The following CYFIP2 variants were observed in gnomAD, a reference collection of about 807,000 sequenced individuals.
CYFIP2 encodes cytoplasmic FMR1-interacting protein 2.
A neutral mutation model predicts 158.7 loss-of-function variants in CYFIP2; 29 were observed. The observed-to-expected ratio is 0.18, with a 90% confidence interval of 0.14 to 0.25. The LOEUF is 0.25. Among genes scored for constraint, CYFIP2 ranks in the 10% least tolerant of loss-of-function variants. CYFIP2 has a pLI of 1.00. For synonymous variants in CYFIP2, 585 were observed against 617.6 expected (o/e 0.95, Z 0.78); for missense variants, 852 against 1,639.5 (o/e 0.52, Z 8.29).
At chr5:157,286,552 G>GTATATGTGTA (rs1757399205) in intron 2 of CYFIP2, among the ~76,000 whole-genome samples, 2 of 138,124 alleles carry the variant, frequency 1.4e-5, no homozygotes, top group African/African-American at 5.4e-5. Flanking sequence ...GCTATTTTAT[G>GTATATGTGTA]TATATATATA....
intron 23 of CYFIP2, among the ~76,000 whole-genome samples, chr5:157,354,151 T>C (rs1260352014): frequency 1.3e-5 from 2 of 152,194 alleles, no homozygotes; most frequent in East Asian, 3.8e-4. Flanking sequence ...AAAATGCAGG[T>C]CTGCGTCACA....
chr5:157,386,607 A>G (rs1766717584), intron 28 of CYFIP2, among the ~76,000 whole-genome samples: 1 of 152,212 alleles, frequency 6.6e-6, no homozygotes, highest in South Asian at 2.1e-4. Context: ...GCTCAGCGGT[A>G]GCTCACACGA....
intron 6 of CYFIP2, among the ~76,000 whole-genome samples, chr5:157,301,106 T>G (rs1022241300): frequency 2.0e-5 from 3 of 152,206 alleles, no homozygotes; most frequent in Admixed American, 2.0e-4. Flanking sequence ...TTGATCTTTG[T>G]AGAGTTTTAT....
chr5:157,390,477 T>G, intron 29 of CYFIP2, 44 bp from the exon 30 acceptor site: 3 of 584,316 alleles, frequency 5.1e-6, no homozygotes, highest in Non-Finnish European at 9.0e-6. Flanking sequence ...CCTGCCCTCC[T>G]CCCCCGACCT....
At chr5:157,273,331 G>C (rs1472712579) in intron 1 of CYFIP2, among the ~76,000 whole-genome samples, 1 of 152,176 alleles carries the variant, frequency 6.6e-6, no homozygotes, top group East Asian at 1.9e-4. Context: ...AGTAGAAAGA[G>C]AGCTAGGCTC....
intron 3 of CYFIP2, among the ~76,000 whole-genome samples, chr5:157,292,050 A>G (rs1416696933): frequency 6.6e-6 from 1 of 152,002 alleles, no homozygotes; most frequent in South Asian, 2.1e-4. Flanking sequence ...AGTCAATCCC[A>G]ATTCCTCTCA....
chr5:157,329,359 C>T (rs1761269276), intron 19 of CYFIP2, among the ~76,000 whole-genome samples: 1 of 152,206 alleles, frequency 6.6e-6, no homozygotes, highest in South Asian at 2.1e-4. Context: ...TAAACAGACT[C>T]AGGCGTGTCG....
At chr5:157,339,312 G>A in intron 22 of CYFIP2, 56 bp downstream of exon 22, 2 of 1,514,522 alleles carry the variant, frequency 1.3e-6, no homozygotes, top group Non-Finnish European at 1.8e-6. Context: ...GTGGCCAGCT[G>A]CCTCCTCCAA....
rs774406650 is a variant in CYFIP2, at chr5:157,389,374, C to T, written c.3393C>T (p.Ser1131=). The change falls in exon 29 of 31, where the codon AGC becomes AGT. Residue 1131 remains serine, a synonymous_variant. Transcript: ENST00000620254. ...DECVEFHRLW[S]AMQFVYCIPV... Reference sequence around the variant, plus strand: ...GTGTGGAGTTCCACCGGCTGTGGAGCGCCATGCAGTTCGTGTACTGCATCC... The same window carrying T: ...GTGTGGAGTTCCACCGGCTGTGGAGTGCCATGCAGTTCGTGTACTGCATCC... The T allele has an allele frequency of 2.0e-5, 33 of 1,613,028 alleles. No homozygotes were observed. The highest frequency in any genetic ancestry group is 6.7e-5 in the East Asian group (3 of 44,864).
At chr5:157,289,643 C>G (rs1757667382) in intron 3 of CYFIP2, among the ~76,000 whole-genome samples, 2 of 152,128 alleles carry the variant, frequency 1.3e-5, no homozygotes, top group Admixed American at 1.3e-4. Context: ...GGACACCAGT[C>G]AGATTAGATC....
intron 1 of CYFIP2, chr5:157,276,999 A>G (rs1756599320): frequency 6.6e-6 from 1 of 151,916 alleles, no homozygotes; most frequent in Non-Finnish European, 1.5e-5. Flanking sequence ...TATGTATTCT[A>G]TGCTGATTTA....
In CYFIP2 at chr5:157,300,893, A is replaced by AGCT; in HGVS notation, c.567_568insCTG (p.Lys189_Arg190insLeu). The AGCT allele has an allele frequency of 6.4e-7, 1 of 1,571,612 alleles. No homozygotes were observed. The highest frequency in any genetic ancestry group is 1.2e-5 in the South Asian group (1 of 85,936). ...GTCAAGAATGACCACTCTGCCTACA[A>AGCT]GAGGTCAGGGCAACCTCCCCCTCTC... On this transcript the variant is annotated inframe_insertion, in exon 6 of 31. Transcript: ENST00000620254.
chr5:157,312,764 G>A (rs1759841843), intron 11 of CYFIP2, among the ~76,000 whole-genome samples: 1 of 152,244 alleles, frequency 6.6e-6, no homozygotes, highest in African/African-American at 2.4e-5. Flanking sequence ...GGCCCACAGG[G>A]ACCAAGGTCA....
chr5:157,272,546 A>G (rs1413477399), intron 1 of CYFIP2, among the ~76,000 whole-genome samples: 1 of 152,216 alleles, frequency 6.6e-6, no homozygotes, highest in Non-Finnish European at 1.5e-5. Flanking sequence ...TGTTTCTTCT[A>G]GTAGCTGCCT....
Position 157,344,568 on chromosome 5 carries a change from C to T in CYFIP2, c.2673+3411C>T, listed in dbSNP as rs185752836. On this transcript the variant is annotated intron_variant, in intron 23 of 30. Coordinates refer to ENST00000620254, the MANE Select transcript of CYFIP2 (RefSeq NM_001037333.3). ...GAGCCCTCTTTAGATTGCCAGGCCC[C>T]GCTTTGATAAGAGAGAGCCATCTTC... Among the ~76,000 whole-genome samples the T allele has an allele frequency of 5.8e-4, 88 of 152,278 alleles. 1 individual carries two copies. Among genetic ancestry groups the T allele is most frequent in the Admixed American group, 5.4e-3 (83 of 15,290 alleles).
At chr5:157,388,963 C>T (rs778886099) in intron 28 of CYFIP2, among the ~76,000 whole-genome samples, 2 of 152,114 alleles carry the variant, frequency 1.3e-5, no homozygotes, top group African/African-American at 2.4e-5. Context: ...AAAATTAATC[C>T]GCTACTGATG....
At chr5:157,315,467 A>G (rs1760064694) in intron 13 of CYFIP2, among the ~76,000 whole-genome samples, 1 of 152,238 alleles carries the variant, frequency 6.6e-6, no homozygotes, top group South Asian at 2.1e-4. Flanking sequence ...GATAGCAGAG[A>G]TTTGACAGCT....
At chr5:157,293,493 T>TA (rs1460518764) in intron 3 of CYFIP2, among the ~76,000 whole-genome samples, 1 of 152,184 alleles carries the variant, frequency 6.6e-6, no homozygotes, top group Non-Finnish European at 1.5e-5. Flanking sequence ...TGCTTATTAT[T>TA]AAAAATTGAT....
In CYFIP2 at chr5:157,382,674, C is replaced by G. The variant is rs750253063; in HGVS notation, c.3112+12C>G. On this transcript the variant is annotated intron_variant, in intron 27 of 30. Coordinates refer to ENST00000620254, the MANE Select transcript of CYFIP2 (RefSeq NM_001037333.3). ...AGTCTACATCAAAGGTAAGAAACCA[C>G]TACAGCAGCTGAATAGCCAACTGGC... The G allele has an allele frequency of 6.2e-7, 1 of 1,613,320 alleles. No individual in the cohort carries two copies. Among genetic ancestry groups the G allele is most frequent in the South Asian group, 1.1e-5 (1 of 90,954 alleles).
Sources: gnomAD v4.1 joint callset for allele counts (sites outside exome capture counted in the v4.1 genomes callset) on GRCh38, gnomAD v4.1.1 for gene constraint, MANE v1.5 for transcripts, NCBI Gene and HGNC (gene_info 2026-07-23, HGNC 2026-07-21) for gene names.